Variants in FGF1 observed in about 807,000 individuals in gnomAD.
FGF1 encodes beta-endothelial cell growth factor.
A neutral mutation model predicts 13.4 loss-of-function variants in FGF1; 9 were observed. The observed-to-expected ratio is 0.67, with a 90% CI of 0.40 to 1.17. The LOEUF (loss-of-function observed/expected upper bound fraction) is 1.17. FGF1 is among the 50% of genes most tolerant of loss of function. The pLI is 0.01. For synonymous variants in FGF1, 93 were observed against 79.0 expected (o/e 1.18, Z -0.94); for missense variants, 156 against 192.7 (o/e 0.81, Z 1.13).
At chr5:142,678,338 A>AT (rs1215649995) in intron 1 of FGF1, among the ~76,000 whole-genome samples, 1 of 152,130 alleles carries the variant, frequency 6.6e-6, no homozygotes, top group Non-Finnish European at 1.5e-5. Flanking sequence ...TCGGTTTTAT[A>AT]TGCAGACTTT....
At chr5:142,689,664 G>A (rs931860583), upstream of FGF1, among the ~76,000 whole-genome samples, 1 of 148,376 alleles carries the variant, frequency 6.7e-6, no homozygotes, top group African/African-American at 2.5e-5. Context: ...ATTGTCTGTC[G>A]CCTATTCTAC....
chr5:142,635,206 T>A (rs1764047702), intron 1 of FGF1, among the ~76,000 whole-genome samples: 1 of 152,138 alleles, frequency 6.6e-6, no homozygotes, highest in Non-Finnish European at 1.5e-5. Flanking sequence ...GTGCCTCAAT[T>A]TTCTTCAGTT....
chr5:142,665,393 C>T (rs1043126601), intron 1 of FGF1, among the ~76,000 whole-genome samples: 5 of 151,934 alleles, frequency 3.3e-5, no homozygotes, highest in Non-Finnish European at 5.9e-5. Flanking sequence ...GGAAACATTA[C>T]TTTAGAGCTG....
intron 1 of FGF1, among the ~76,000 whole-genome samples, chr5:142,622,709 T>G (rs1276974476): frequency 6.6e-6 from 1 of 152,328 alleles, no homozygotes; most frequent in African/African-American, 2.4e-5. Flanking sequence ...GGCCCCACCT[T>G]CCACTCCCTG....
At chr5:142,632,440 C>A (rs931954056) in intron 1 of FGF1, among the ~76,000 whole-genome samples, 10 of 152,030 alleles carry the variant, frequency 6.6e-5, no homozygotes, top group Non-Finnish European at 1.3e-4. Flanking sequence ...TTTTGGGAAA[C>A]AAAGAAATAA....
chr5:142,665,197 A>G (rs752972154), intron 1 of FGF1, among the ~76,000 whole-genome samples: 9 of 152,098 alleles, frequency 5.9e-5, no homozygotes, highest in Non-Finnish European at 1.3e-4. Context: ...AAAACTCACA[A>G]ACTTTACTTT....
At chr5:142,651,405 A>G (rs950080417) in intron 1 of FGF1, among the ~76,000 whole-genome samples, 1 of 152,138 alleles carries the variant, frequency 6.6e-6, no homozygotes, top group Non-Finnish European at 1.5e-5. Flanking sequence ...AGGACAGAGA[A>G]TTCCTCTTCC....
At chr5:142,649,039 A>G (rs1048712952) in intron 1 of FGF1, among the ~76,000 whole-genome samples, 1 of 152,238 alleles carries the variant, frequency 6.6e-6, no homozygotes, top group East Asian at 1.9e-4. Context: ...AACAAAAAGG[A>G]AAATAAGAAA....
chr5:142,592,303 C>A lies in FGF1; in HGVS notation c.*2987G>T. 1 of 398,516 alleles carries A rather than the reference C, an allele frequency of 2.5e-6. No homozygotes were observed. Among genetic ancestry groups the A allele is most frequent in the South Asian group, 1.3e-4 (1 of 7,824 alleles). The allele number at this position is 398,516 out of a possible 1,614,324, so 24.7% of individuals were successfully genotyped here. On this transcript the variant is annotated 3_prime_UTR_variant, in exon 4 of 4. Transcript: ENST00000337706. ...CTTTGCAGCCTGTGAGTTTAGTTGT[C>A]AGCAGTACACTCAAGGCTGAGGACT...
Position 142,682,044 on chromosome 5 carries a change from G to C in FGF1, c.-35+3913C>G, listed in dbSNP as rs1489528197. ...GGTCACTTATAGAGTGTCACTTTGG[G>C]CTTTGGAACAAATGGACTTGTAAGC... On this transcript the variant is annotated intron_variant, in intron 1 of 3. Coordinates refer to ENST00000337706, the MANE Select transcript of FGF1 (RefSeq NM_000800.5). Among the ~76,000 whole-genome samples the C allele has an allele frequency of 2.6e-5, 4 of 152,054 alleles. No individual in the cohort carries two copies. The East Asian group carries it at 7.7e-4, about 29-fold the overall frequency.
At position 142,606,244 on chromosome 5, in the gene FGF1, G is replaced by GTGTGTGTA. The variant is rs757287377; in HGVS notation, c.170-5440_170-5439insTACACACA. Reference sequence around the variant, plus strand: ...TGTGTGTGTGTGTGTGTGTGTGTGTGTATGTAGTTTTTTTTTTTAATCCCC... The same window carrying GTGTGTGTA: ...TGTGTGTGTGTGTGTGTGTGTGTGTGTGTGTGTATATGTAGTTTTTTTTTTTAATCCCC... On this transcript the variant is annotated intron_variant, in intron 2 of 3. Coordinates refer to ENST00000337706, the MANE Select transcript of FGF1 (RefSeq NM_000800.5). 7.0e-4 allele frequency among the ~76,000 whole-genome samples: 104 copies of GTGTGTGTA among 147,956 alleles called. 1 individual carries two copies. Among genetic ancestry groups the GTGTGTGTA allele is most frequent in the Middle Eastern group, 6.9e-3 (2 of 288 alleles).
intron 2 of FGF1, among the ~76,000 whole-genome samples, chr5:142,609,268 C>A (rs1003179395): frequency 6.6e-6 from 1 of 152,150 alleles, no homozygotes; most frequent in Non-Finnish European, 1.5e-5. Context: ...AGAACATTTC[C>A]ATTTGTGCAG....
At chr5:142,604,363 T>G (rs1757207094) in intron 2 of FGF1, among the ~76,000 whole-genome samples, 1 of 152,224 alleles carries the variant, frequency 6.6e-6, no homozygotes, top group Non-Finnish European at 1.5e-5. Flanking sequence ...AGCATAATCC[T>G]ATATGTTTAA....
At position 142,618,920 on chromosome 5, in the gene FGF1, AGTTGTTTT is replaced by A. The variant is rs1425265116; in HGVS notation, c.-34-4767_-34-4760del. Among the ~76,000 whole-genome samples, 163 of 97,060 alleles carry A rather than the reference AGTTGTTTT, an allele frequency of 1.7e-3. 4 individuals carry two copies. The highest frequency in any genetic ancestry group is 2.3e-3 in the Non-Finnish European group (110 of 47,970). 63.7% of individuals were successfully genotyped at this position (97,060 alleles called of 152,430 possible). On this transcript the variant is annotated intron_variant, in intron 1 of 3. Coordinates refer to ENST00000337706, the MANE Select transcript of FGF1 (RefSeq NM_000800.5). ...AGGCAAACACTGACATTTATTTTTT[AGTTGTTTT>A]GTTTTTTTTTTTTTTTTTTTTTTTG...
chr5:142,616,355 T>C (rs1170186990), intron 1 of FGF1, among the ~76,000 whole-genome samples: 1 of 152,172 alleles, frequency 6.6e-6, no homozygotes, highest in African/African-American at 2.4e-5. Flanking sequence ...CCAAAGAGAA[T>C]TTCGCAAATA....
chr5:142,691,031 C>G (rs1041142178), upstream of FGF1, among the ~76,000 whole-genome samples: 1 of 152,198 alleles, frequency 6.6e-6, no homozygotes, highest in East Asian at 1.9e-4. Context: ...CCTGACCACC[C>G]GTTCTAAATC....
At chr5:142,615,457 C>T (rs938481644) in intron 1 of FGF1, among the ~76,000 whole-genome samples, 8 of 152,166 alleles carry the variant, frequency 5.3e-5, no homozygotes, top group African/African-American at 1.9e-4. Context: ...CTCATGACCT[C>T]GTGATCCGCC....
chr5:142,694,720 T>C (rs1370496272), intron 2 of FGF1, among the ~76,000 whole-genome samples: 1 of 152,124 alleles, frequency 6.6e-6, no homozygotes, highest in Non-Finnish European at 1.5e-5. Flanking sequence ...TTCTAAAGCC[T>C]ACCCTCTAGC....
At chr5:142,629,878 T>A (rs112288244) in intron 1 of FGF1, among the ~76,000 whole-genome samples, 3,591 of 96,084 alleles carry the variant, frequency 0.037, 57 homozygotes, top group South Asian at 0.11. Flanking sequence ...ACATATATAT[T>A]ATATATATAT....
Sources: gnomAD v4.1 joint callset for allele counts (sites outside exome capture counted in the v4.1 genomes callset) on GRCh38, gnomAD v4.1.1 for gene constraint, MANE v1.5 for transcripts, NCBI Gene and HGNC (gene_info 2026-07-23, HGNC 2026-07-21) for gene names.